Variants in PRUNE1 observed in about 807,000 individuals in gnomAD.
PRUNE1 encodes exopolyphosphatase PRUNE1.
PRUNE1 carries 25 observed loss-of-function variants against 42.5 expected under a neutral mutation model. The observed-to-expected ratio is 0.59, with a 90% CI of 0.43 to 0.82. The LOEUF (loss-of-function observed/expected upper bound fraction) is 0.82. Ranked by LOEUF, PRUNE1 falls within the 40% of genes least tolerant of loss-of-function variation. The pLI, the probability that PRUNE1 is intolerant of heterozygous loss-of-function variation, is 0.00. For synonymous variants in PRUNE1, 203 were observed against 217.1 expected (o/e 0.93, Z 0.57); for missense variants, 443 against 539.3 (o/e 0.82, Z 1.77).
At chr1:151,028,416 T>G (rs1675015732) in intron 6 of PRUNE1, among the ~76,000 whole-genome samples, 1 of 151,798 alleles carries the variant, frequency 6.6e-6, no homozygotes, top group Non-Finnish European at 1.5e-5. Context: ...ATTTTTTGTT[T>G]TGTTTTGTTT....
At position 151,027,559 on chromosome 1, in the gene PRUNE1, G is replaced by A. The variant is rs188036641; in HGVS notation, c.774+232G>A. Among the ~76,000 whole-genome samples the A allele has an allele frequency of 5.7e-4, 86 of 150,322 alleles. 1 individual carries two copies. The highest frequency in any genetic ancestry group is 4.1e-3 in the East Asian group (21 of 5,082). Reference sequence around the variant, plus strand: ...TGCAGCCCTACAAACCATTCTCCCCGCAGCAGCCAGAGTGGTCTTTTTTAA... The same window carrying A: ...TGCAGCCCTACAAACCATTCTCCCCACAGCAGCCAGAGTGGTCTTTTTTAA... On this transcript the variant is annotated intron_variant, in intron 6 of 7. Coordinates refer to ENST00000271620, the MANE Select transcript of PRUNE1 (RefSeq NM_021222.3).
At chr1:151,014,287 A>G (rs921585624) in intron 1 of PRUNE1, among the ~76,000 whole-genome samples, 1 of 152,048 alleles carries the variant, frequency 6.6e-6, no homozygotes. Context: ...CCTGCTTCCA[A>G]ACTCTTGAAG....
chr1:151,031,351 T>A (rs1307218658), intron 7 of PRUNE1, among the ~76,000 whole-genome samples: 3 of 151,750 alleles, frequency 2.0e-5, no homozygotes, highest in Admixed American at 6.6e-5. Flanking sequence ...GGCTAGCTAA[T>A]TTTTTTTGTA....
In PRUNE1 at chr1:151,008,509, C is replaced by A; in HGVS notation, c.-124C>A. 7.4e-7 allele frequency: 1 copy of A among 1,345,974 alleles called. No homozygotes were observed. The highest frequency in any genetic ancestry group is 1.1e-6 in the Non-Finnish European group (1 of 943,824). The allele number at this position is 1,345,974 out of a possible 1,614,324, so 83.4% of individuals were successfully genotyped here. A position where few individuals can be genotyped will look rare whatever the true frequency, so the allele number is the denominator to read the frequency against. On this transcript the variant is annotated 5_prime_UTR_variant, in exon 1 of 8. Transcript: ENST00000271620. ...GATTCGCCGTGTGGCGGGTTCGAGT[C>A]CCGCCTCCTGACTCTGGCCTCTAGT...
chr1:151,026,458 CA>C (rs200469208), intron 5 of PRUNE1, among the ~76,000 whole-genome samples: 9 of 145,780 alleles, frequency 6.2e-5, no homozygotes, highest in South Asian at 2.2e-4. Flanking sequence ...AACTCCGTCT[CA>C]AAAAAAAACA....
intron 1 of PRUNE1, among the ~76,000 whole-genome samples, chr1:151,015,565 T>C (rs1301693290): frequency 3.9e-5 from 5 of 127,490 alleles, no homozygotes; most frequent in African/African-American, 1.2e-4. Context: ...ACCCAGGAGG[T>C]GGAGGTTACA....
rs968619373 is a variant in PRUNE1 at position 151,008,488 on chromosome 1, C to A, written c.-145C>A. On this transcript the variant is annotated 5_prime_UTR_variant, in exon 1 of 8. Transcript: ENST00000271620. Reference sequence around the variant, plus strand: ...TTCCTCCCGGGGTCGGAGGCCGATTCGCCGTGTGGCGGGTTCGAGTCCCGC... The same window carrying A: ...TTCCTCCCGGGGTCGGAGGCCGATTAGCCGTGTGGCGGGTTCGAGTCCCGC... The A allele has an allele frequency of 8.2e-7, 1 of 1,222,774 alleles. No individual in the cohort carries two copies. The allele number at this position is 1,222,774 out of a possible 1,614,324, so 75.7% of individuals were successfully genotyped here.
chr1:151,020,462 T>A (rs1449491295), intron 3 of PRUNE1, among the ~76,000 whole-genome samples: 2 of 150,716 alleles, frequency 1.3e-5, no homozygotes, highest in East Asian at 4.0e-4. Context: ...CCAAAAAAAT[T>A]TTTTTAAGTT....
At chr1:151,009,538 G>A (rs987450998) in intron 1 of PRUNE1, among the ~76,000 whole-genome samples, 1 of 152,158 alleles carries the variant, frequency 6.6e-6, no homozygotes, top group Non-Finnish European at 1.5e-5. Flanking sequence ...GGCTCCAGGA[G>A]GTCACCCGGC....
Position 151,034,096 on chromosome 1 carries a change from C to A in PRUNE1, c.1224C>A (p.Pro408=). The A allele has an allele frequency of 6.2e-7, 1 of 1,614,144 alleles. No homozygotes were observed. The change falls in exon 8 of 8, where the codon CCC becomes CCA. Residue 408 remains proline (P), a synonymous_variant. Transcript: ENST00000271620. The stretch of plus-strand genomic sequence containing the variant: ...AAGATGAGGAGGACCCTCCGCTGCC[C>A]CCGACGCCCATGAACAGCTTGGTGG... ...LSQDEEDPPL[P]PTPMNSLVDE... is the part of the protein sequence containing the mutation.
intron 1 of PRUNE1, among the ~76,000 whole-genome samples, chr1:151,010,991 A>G (rs1673741299): frequency 6.6e-6 from 1 of 152,158 alleles, no homozygotes; most frequent in Admixed American, 6.6e-5. Context: ...GTAAATGTGT[A>G]TTTCATGAAC....
chr1:151,033,767 A>AAGTTGTGT, intron 7 of PRUNE1, 39 bp from the exon 8 acceptor site: 1 of 1,563,248 alleles, frequency 6.4e-7, no homozygotes, highest in African/African-American at 1.4e-5. Flanking sequence ...TTGCTACAGC[A>AAGTTGTGT]AGTTGTGTAT....
Position 151,035,087 on chromosome 1 carries a change from T to C in PRUNE1, c.*853T>C, listed in dbSNP as rs1236035384. 6.6e-6 allele frequency: 1 copy of C among 152,224 alleles called. No homozygotes were observed. The highest frequency in any genetic ancestry group is 2.4e-5 in the African/African-American group (1 of 41,454). The allele number at this position is 152,224 out of a possible 1,614,324, so 9.4% of individuals were successfully genotyped here. A position where few individuals can be genotyped will look rare whatever the true frequency, so the allele number is the denominator to read the frequency against. ...CTTGTCAATCTCTTTTTTTCCTTGCTCACATTAAAAGGAAGCATGGAGTTC... is the reference window on the plus strand; with the variant it reads ...CTTGTCAATCTCTTTTTTTCCTTGCCCACATTAAAAGGAAGCATGGAGTTC... On this transcript the variant is annotated 3_prime_UTR_variant, in exon 8 of 8. Transcript: ENST00000271620.
intron 1 of PRUNE1, among the ~76,000 whole-genome samples, chr1:151,015,633 CA>C (rs34251388): frequency 0.54 from 46,925 of 86,884 alleles, 9,773 homozygotes; most frequent in Middle Eastern, 0.7. Flanking sequence ...GACTCCATCT[CA>C]AAAAAAAAAA....
intron 5 of PRUNE1, 25 bp from the exon 6 acceptor site, chr1:151,027,208 C>T: frequency 6.4e-7 from 1 of 1,553,680 alleles, no homozygotes; most frequent in South Asian, 1.1e-5. Context: ...CCTGTTTGAC[C>T]CCTAGTCTCT....
chr1:151,011,586 G>T (rs587666834), intron 1 of PRUNE1, among the ~76,000 whole-genome samples: 1 of 151,916 alleles, frequency 6.6e-6, no homozygotes, highest in Non-Finnish European at 1.5e-5. Flanking sequence ...TTTCTGTCTC[G>T]TTTATTTTTC....
intron 7 of PRUNE1, among the ~76,000 whole-genome samples, chr1:151,032,482 C>T (rs1050775689): frequency 2.0e-5 from 3 of 151,292 alleles, no homozygotes; most frequent in Non-Finnish European, 1.5e-5. Flanking sequence ...GAGGCCGAGG[C>T]GAGAGCGGAT....
intron 1 of PRUNE1, among the ~76,000 whole-genome samples, chr1:151,013,438 G>T (rs1673906038): frequency 6.6e-6 from 1 of 152,160 alleles, no homozygotes; most frequent in Admixed American, 6.5e-5. Flanking sequence ...CTCTGTAGAT[G>T]GTTTCTCCTG....
intron 1 of PRUNE1, among the ~76,000 whole-genome samples, chr1:151,011,865 G>C (rs999390876): frequency 1.3e-5 from 2 of 150,964 alleles, no homozygotes; most frequent in Non-Finnish European, 2.9e-5. Context: ...TGCAACCTCC[G>C]CCTGCCAGGT....
Sources: gnomAD v4.1 joint callset for allele counts (sites outside exome capture counted in the v4.1 genomes callset) on GRCh38, gnomAD v4.1.1 for gene constraint, MANE v1.5 for transcripts, NCBI Gene and HGNC (gene_info 2026-07-23, HGNC 2026-07-21) for gene names.